CTNNA3: variants seen among roughly 807,000 people sequenced by gnomAD.
CTNNA3 encodes catenin alpha-3.
CTNNA3 carries 76 observed loss-of-function variants against 95.7 expected under a neutral mutation model. The ratio of observed to expected loss-of-function variants is 0.79; its 90% confidence interval spans 0.66 to 0.96. The LOEUF (loss-of-function observed/expected upper bound fraction) is 0.96. Among genes scored for constraint, CTNNA3 ranks in the 40% least tolerant of loss-of-function variants. CTNNA3 has a pLI of 0.00. For synonymous variants in CTNNA3, 431 were observed against 374.4 expected (o/e 1.15, Z -1.74); for missense variants, 1,191 against 1,089.8 (o/e 1.09, Z -1.31).
chr10:66,928,557 C>A, intron 7 of CTNNA3: 1 of 1,017,862 alleles, frequency 9.8e-7, no homozygotes, highest in Non-Finnish European at 1.4e-6. Context: ...CCCTCCCCTT[C>A]CCTCTCCCTC....
chr10:67,178,904 T>C (rs1387002712), intron 7 of CTNNA3, among the ~76,000 whole-genome samples: 3 of 67,518 alleles, frequency 4.4e-5, no homozygotes, highest in African/African-American at 3.5e-4. Flanking sequence ...TTCTAGGACA[T>C]GTCATGTCTA....
At chr10:66,217,005 C>T (rs1432234245) in intron 13 of CTNNA3, among the ~76,000 whole-genome samples, 1 of 152,168 alleles carries the variant, frequency 6.6e-6, no homozygotes, top group Non-Finnish European at 1.5e-5. Flanking sequence ...TTTCTAAACC[C>T]TGATAACCAC....
intron 5 of CTNNA3, among the ~76,000 whole-genome samples, chr10:67,256,983 T>C (rs939657819): frequency 2.6e-5 from 4 of 152,180 alleles, no homozygotes; most frequent in African/African-American, 9.6e-5. Context: ...AATAAAAAAA[T>C]GCATCTTTGC....
At chr10:67,192,532 A>G (rs1863164319) in intron 6 of CTNNA3, among the ~76,000 whole-genome samples, 1 of 152,056 alleles carries the variant, frequency 6.6e-6, no homozygotes, top group African/African-American at 2.4e-5. Flanking sequence ...ATCAAGGGAA[A>G]TGCAACTCAA....
intron 7 of CTNNA3, among the ~76,000 whole-genome samples, chr10:67,001,452 G>T (rs10997478): frequency 6.6e-6 from 1 of 151,650 alleles, no homozygotes; most frequent in African/African-American, 2.4e-5. Flanking sequence ...AGACAGGGGT[G>T]GGGGACAGAA....
chr10:67,206,718 G>T (rs1457075804), intron 6 of CTNNA3, among the ~76,000 whole-genome samples: 2 of 149,178 alleles, frequency 1.3e-5, no homozygotes, highest in Non-Finnish European at 3.0e-5. Context: ...TCTAGAGCCT[G>T]CACCTGATTC....
chr10:65,975,841 A>G (rs1397565307), intron 16 of CTNNA3, among the ~76,000 whole-genome samples: 1 of 152,052 alleles, frequency 6.6e-6, no homozygotes, highest in Admixed American at 6.6e-5. Context: ...CATTCTTTCA[A>G]ATCATTTTTT....
At chr10:66,064,297 T>G (rs926706662) in intron 15 of CTNNA3, among the ~76,000 whole-genome samples, 3 of 152,158 alleles carry the variant, frequency 2.0e-5, no homozygotes, top group Non-Finnish European at 2.9e-5. Flanking sequence ...CCTTGACATG[T>G]GGGAATTATG....
chr10:66,743,915 G>A (rs549291876), intron 9 of CTNNA3, among the ~76,000 whole-genome samples: 62 of 138,222 alleles, frequency 4.5e-4, no homozygotes, highest in African/African-American at 1.6e-3. Context: ...ATCAGAGGTT[G>A]CAGTGAGCTG....
chr10:66,591,838 C>T (rs1443550769), intron 10 of CTNNA3, among the ~76,000 whole-genome samples: 1 of 151,970 alleles, frequency 6.6e-6, no homozygotes, highest in Non-Finnish European at 1.5e-5. Context: ...TAATAATACA[C>T]AGGAAAAAAA....
intron 7 of CTNNA3, among the ~76,000 whole-genome samples, chr10:66,965,141 C>G (rs1341972745): frequency 6.6e-6 from 1 of 152,134 alleles, no homozygotes; most frequent in East Asian, 1.9e-4. Context: ...GCCAAAAAGA[C>G]AGCTGGGAGC....
chr10:67,563,959 G>A (rs970924071), intron 3 of CTNNA3, among the ~76,000 whole-genome samples: 1 of 149,090 alleles, frequency 6.7e-6, no homozygotes, highest in East Asian at 1.9e-4. Flanking sequence ...TCTCACACCA[G>A]TTAGAATGGC....
rs971545936 is a variant in CTNNA3, at chr10:67,286,619, T to A, written c.580-66749A>T. Among the ~76,000 whole-genome samples the A allele has an allele frequency of 9.8e-5, 15 of 152,326 alleles. No homozygotes were observed. In the East Asian group the frequency reaches 2.7e-3, roughly 27 times the overall value. On this transcript the variant is annotated intron_variant, in intron 5 of 17. Coordinates refer to ENST00000433211, the MANE Select transcript of CTNNA3 (RefSeq NM_013266.4). ...CTTAAAGTTATCTATTATTTAAGCA[T>A]CTTTCCATTCTTACCAAACTTAAAA...
intron 9 of CTNNA3, among the ~76,000 whole-genome samples, chr10:66,754,095 G>T (rs951429680): frequency 1.3e-5 from 2 of 152,106 alleles, no homozygotes; most frequent in African/African-American, 2.4e-5. Flanking sequence ...AAAGAAGAAC[G>T]ATACTGGAGG....
chr10:67,719,444 T>C (rs781038736), intron 1 of CTNNA3, among the ~76,000 whole-genome samples: 35 of 152,338 alleles, frequency 2.3e-4, no homozygotes, highest in Middle Eastern at 3.4e-3. Context: ...TTTAGTGCTA[T>C]AAATTTCCCT....
chr10:66,871,311 C>A (rs1316854641), intron 7 of CTNNA3, among the ~76,000 whole-genome samples: 1 of 151,992 alleles, frequency 6.6e-6, no homozygotes, highest in Admixed American at 6.6e-5. Flanking sequence ...GTAATCCCAG[C>A]ACTTTGGGAG....
intron 16 of CTNNA3, among the ~76,000 whole-genome samples, chr10:65,974,662 T>C (rs2078176340): frequency 6.6e-6 from 1 of 152,100 alleles, no homozygotes; most frequent in African/African-American, 2.4e-5. Context: ...ACCTGGGTGA[T>C]TGCATCAATT....
chr10:66,740,304 G>C (rs184438175), intron 9 of CTNNA3, among the ~76,000 whole-genome samples: 22 of 152,144 alleles, frequency 1.4e-4, no homozygotes, highest in Non-Finnish European at 2.6e-4. Context: ...TCTGAATGAC[G>C]ATGCAAAATA....
intron 15 of CTNNA3, among the ~76,000 whole-genome samples, chr10:66,005,411 G>C (rs2078859705): frequency 6.6e-6 from 1 of 152,140 alleles, no homozygotes; most frequent in South Asian, 2.1e-4. Context: ...TATTTCTCTA[G>C]ATTGCCAGTT....
Sources: gnomAD v4.1 joint callset for allele counts (sites outside exome capture counted in the v4.1 genomes callset) on GRCh38, gnomAD v4.1.1 for gene constraint, MANE v1.5 for transcripts, NCBI Gene and HGNC (gene_info 2026-07-23, HGNC 2026-07-21) for gene names.